The following KLHL18 variants were observed in gnomAD, a reference collection of about 807,000 sequenced individuals.
KLHL18 encodes kelch like family member 18.
Under a neutral mutation model 58.5 loss-of-function variants are expected in KLHL18, and 38 were observed. The ratio of observed to expected loss-of-function variants is 0.65; its 90% confidence interval spans 0.50 to 0.85. KLHL18 has a LOEUF of 0.85. KLHL18 is among the 40% of genes least tolerant of loss of function. The probability of loss-of-function intolerance (pLI) is 0.00; values close to 1 mark genes in which losing one functional copy is unlikely to be tolerated. For missense variants in KLHL18, 624 were observed against 778.4 expected (o/e 0.80, Z 2.36); for synonymous variants, 303 against 301.9 (o/e 1.00, Z -0.04).
chr3:47,300,287 T>TTATATATATATATATATATATATATATA (rs1207306389), intron 1 of KLHL18, among the ~76,000 whole-genome samples: 2 of 133,132 alleles, frequency 1.5e-5, no homozygotes, highest in Non-Finnish European at 3.2e-5. Context: ...CACCGGCATT[T>TTATATATATATATATATATATATATATA]TATATATATA....
intron 1 of KLHL18, among the ~76,000 whole-genome samples, chr3:47,293,842 A>G (rs1702840684): frequency 2.0e-5 from 3 of 152,212 alleles, no homozygotes; most frequent in African/African-American, 4.8e-5. Flanking sequence ...GGGGCACACA[A>G]TCCATCTAGT....
intron 9 of KLHL18, 70 bp downstream of exon 9, chr3:47,342,900 A>T: frequency 7.9e-7 from 1 of 1,259,284 alleles, no homozygotes; most frequent in Admixed American, 1.8e-5. Flanking sequence ...GAAGATCATT[A>T]TTTGAAAAAA....
At chr3:47,288,376 A>G (rs1702722326) in intron 1 of KLHL18, among the ~76,000 whole-genome samples, 1 of 152,162 alleles carries the variant, frequency 6.6e-6, no homozygotes, top group Admixed American at 6.5e-5. Context: ...CTTCGTCTCC[A>G]TATTCAGGGT....
At chr3:47,329,320 T>C (rs1435198702) in intron 3 of KLHL18, among the ~76,000 whole-genome samples, 1 of 151,948 alleles carries the variant, frequency 6.6e-6, no homozygotes, top group Admixed American at 6.6e-5. Context: ...CTCCGCCTCC[T>C]GGGTTCACAG....
intron 1 of KLHL18, among the ~76,000 whole-genome samples, chr3:47,288,220 CAAAAAAAAAAAAA>C (rs768468646): frequency 4.5e-4 from 20 of 44,636 alleles, no homozygotes; most frequent in African/African-American, 1.3e-3. Context: ...ACTCTGTCTC[CAAAAAAAAAAAAA>C]AAAAAAAAAA....
chr3:47,315,368 T>C (rs1703396603), intron 1 of KLHL18, among the ~76,000 whole-genome samples: 1 of 152,176 alleles, frequency 6.6e-6, no homozygotes, highest in Non-Finnish European at 1.5e-5. Flanking sequence ...TAGTCTTAGA[T>C]ACTGAACCAG....
At chr3:47,299,826 CAAAAAAAAAAAAAAAAAA>C (rs55695849) in intron 1 of KLHL18, among the ~76,000 whole-genome samples, 1 of 43,788 alleles carries the variant, frequency 2.3e-5, no homozygotes, top group African/African-American at 1.0e-4. Context: ...TACTGTGTCT[CAAAAAAAAAAAAAAAAAA>C]AAAAAAAAAA....
intron 1 of KLHL18, chr3:47,283,348 C>G (rs369684805): frequency 2.9e-4 from 147 of 509,896 alleles, no homozygotes; most frequent in Non-Finnish European, 4.4e-4. Flanking sequence ...GAGTGGGAGA[C>G]ACGGGTGACA....
At chr3:47,314,966 T>C (rs2107618544) in intron 1 of KLHL18, among the ~76,000 whole-genome samples, 1 of 152,308 alleles carries the variant, frequency 6.6e-6, no homozygotes, top group African/African-American at 2.4e-5. Flanking sequence ...TTGGTGCACA[T>C]ACAGCTTGTT....
At chr3:47,305,169 A>G (rs1276107230) in intron 1 of KLHL18, among the ~76,000 whole-genome samples, 3 of 152,004 alleles carry the variant, frequency 2.0e-5, no homozygotes, top group Non-Finnish European at 2.9e-5. Flanking sequence ...GCTAAATAGC[A>G]GTGGTAAGAG....
At chr3:47,316,530 TATATATATAC>T (rs1482249309) in intron 1 of KLHL18, among the ~76,000 whole-genome samples, 2 of 5,582 alleles carry the variant, frequency 3.6e-4, no homozygotes, top group African/African-American at 5.0e-4. Context: ...CATATATATG[TATATATATAC>T]ATATATACAT....
intron 7 of KLHL18, 70 bp from the exon 8 acceptor site, chr3:47,340,502 C>T: frequency 6.2e-7 from 1 of 1,607,558 alleles, no homozygotes; most frequent in Non-Finnish European, 8.5e-7. Flanking sequence ...AGGTTTGTTT[C>T]TCAGTGGGCA....
At chr3:47,298,353 T>TAAAAA (rs36006254) in intron 1 of KLHL18, among the ~76,000 whole-genome samples, 1 of 118,514 alleles carries the variant, frequency 8.4e-6, no homozygotes, top group East Asian at 2.4e-4. Context: ...ATCCTGTCTC[T>TAAAAA]AAAAAAAAAA....
intron 1 of KLHL18, among the ~76,000 whole-genome samples, chr3:47,302,246 G>A (rs1224465454): frequency 6.6e-6 from 1 of 152,198 alleles, no homozygotes; most frequent in Non-Finnish European, 1.5e-5. Flanking sequence ...CAGCACTTTG[G>A]GAGGCTGAGG....
intron 1 of KLHL18, among the ~76,000 whole-genome samples, 164 bp from the exon 2 acceptor site, chr3:47,319,489 A>AT (rs2107628090): frequency 6.6e-6 from 1 of 152,244 alleles, no homozygotes; most frequent in East Asian, 1.9e-4. Flanking sequence ...CAGGGTCATC[A>AT]TGCTAAGCCT....
intron 8 of KLHL18, among the ~76,000 whole-genome samples, chr3:47,342,263 C>G (rs1704125989): frequency 6.6e-6 from 1 of 151,974 alleles, no homozygotes; most frequent in Non-Finnish European, 1.5e-5. Flanking sequence ...TTGCAGTGGT[C>G]CAGATGAGAG....
rs767276527 is a variant in KLHL18 at position 47,284,337 on chromosome 3, C to CTTTTTTT, written c.129+1254_129+1260dup. ...TTCTTTTGCTCTTCTTTTCTTTTTT[C>CTTTTTTT]TTTTTTTTTTTTTTTTTGAGACGGA... On this transcript the variant is annotated intron_variant, in intron 1 of 9. Transcript: ENST00000232766. Among the ~76,000 whole-genome samples, 43 of 127,120 alleles carry CTTTTTTT rather than the reference C, an allele frequency of 3.4e-4. 1 individual carries two copies. The highest frequency in any genetic ancestry group is 5.3e-4 in the Admixed American group (6 of 11,374). 83.4% of individuals were successfully genotyped at this position (127,120 alleles called of 152,430 possible).
chr3:47,301,006 T>A (rs1703013999), intron 1 of KLHL18, among the ~76,000 whole-genome samples: 1 of 152,198 alleles, frequency 6.6e-6, no homozygotes, highest in South Asian at 2.1e-4. Flanking sequence ...ATGTGTTTAT[T>A]TGCCATCTGT....
intron 1 of KLHL18, among the ~76,000 whole-genome samples, chr3:47,285,877 A>G (rs1212545229): frequency 6.6e-6 from 1 of 152,190 alleles, no homozygotes; most frequent in Non-Finnish European, 1.5e-5. Flanking sequence ...GTGAAACCCC[A>G]TCTCTACAAA....
Sources: allele counts gnomAD v4.1 joint callset (sites outside exome capture counted in the v4.1 genomes callset), GRCh38; gene constraint gnomAD v4.1.1; transcripts MANE v1.5; gene names NCBI Gene and HGNC (gene_info 2026-07-23, HGNC 2026-07-21).